The following PLPP4 variants were observed in gnomAD, a reference collection of about 807,000 sequenced individuals.
The protein encoded by PLPP4 is diacylglycerol pyrophosphate like 2.
Under a neutral mutation model 32.2 loss-of-function variants are expected in PLPP4, and 20 were observed. That is an observed-to-expected ratio of 0.62 (90% CI 0.44 to 0.90). The LOEUF is 0.90. PLPP4 is among the 40% of genes least tolerant of loss of function. The pLI is 0.00. For missense variants in PLPP4, 257 were observed against 353.1 expected, an observed-to-expected ratio of 0.73 and a Z score of 2.18; for synonymous variants, 127 against 133.0, an observed-to-expected ratio of 0.95 and a Z score of 0.31.
At chr10:120,589,252 C>T (rs755064004) in intron 6 of PLPP4, 51 bp from the exon 7 acceptor site, 2 of 1,560,664 alleles carry the variant, frequency 1.3e-6, no homozygotes, top group Non-Finnish European at 1.8e-6. Context: ...TAATTGGCCA[C>T]ATTTGAACAA....
chr10:120,494,512 C>A (rs1468952600), intron 1 of PLPP4, among the ~76,000 whole-genome samples: 1 of 152,202 alleles, frequency 6.6e-6, no homozygotes, highest in Non-Finnish European at 1.5e-5. Context: ...CTTGGTTGGG[C>A]ATTTATGCTT....
intron 1 of PLPP4, among the ~76,000 whole-genome samples, chr10:120,491,444 C>G (rs1475561101): frequency 1.3e-5 from 2 of 152,198 alleles, no homozygotes; most frequent in African/African-American, 4.8e-5. Flanking sequence ...GTGACTGACC[C>G]AACCTCTTTC....
intron 1 of PLPP4, among the ~76,000 whole-genome samples, chr10:120,460,221 T>C (rs1279136591): frequency 1.3e-5 from 2 of 152,216 alleles, no homozygotes; most frequent in Non-Finnish European, 1.5e-5. Context: ...CTGTGTTTAG[T>C]ACCATGAAGT....
In PLPP4 at chr10:120,496,912, AGTGT is replaced by A. The variant is rs3066553; in HGVS notation, c.57-6883_57-6880del. 3.4e-3 allele frequency among the ~76,000 whole-genome samples: 509 copies of A among 149,498 alleles called. 3 individuals carry two copies. Among genetic ancestry groups the A allele is most frequent in the Middle Eastern group, 0.024 (7 of 288 alleles). On this transcript the variant is annotated intron_variant, in intron 1 of 6. Transcript: ENST00000398250. ...GGGAGAGAGAGAGAGAGAATGTGTG[AGTGT>A]GTGTGTGTGTGTGTGTGTGTGTATG...
intron 5 of PLPP4, among the ~76,000 whole-genome samples, chr10:120,539,170 T>C (rs1847219362): frequency 6.6e-6 from 1 of 152,164 alleles, no homozygotes. Flanking sequence ...TTCTGCTGGC[T>C]GCCAGAACCC....
At chr10:120,581,823 A>G (rs1286813568) in intron 6 of PLPP4, among the ~76,000 whole-genome samples, 1 of 152,036 alleles carries the variant, frequency 6.6e-6, no homozygotes, top group Non-Finnish European at 1.5e-5. Context: ...CCCCTTGCGC[A>G]TTTACCACCT....
intron 1 of PLPP4, among the ~76,000 whole-genome samples, chr10:120,458,038 G>T (rs979160267): frequency 2.0e-5 from 3 of 152,214 alleles, no homozygotes; most frequent in African/African-American, 7.2e-5. Flanking sequence ...GGCTGGCACT[G>T]AGAACAGCGA....
chr10:120,484,413 A>G (rs1417118192), intron 1 of PLPP4, among the ~76,000 whole-genome samples: 2 of 152,334 alleles, frequency 1.3e-5, no homozygotes, highest in East Asian at 3.9e-4. Context: ...TAGGAAGTCC[A>G]AGATCGAGGT....
At chr10:120,522,738 A>T (rs951187806) in intron 5 of PLPP4, among the ~76,000 whole-genome samples, 1 of 152,206 alleles carries the variant, frequency 6.6e-6, no homozygotes, top group African/African-American at 2.4e-5. Context: ...CGTAGACTAG[A>T]AATTTGCTAA....
chr10:120,486,615 A>G (rs1004205058), intron 1 of PLPP4, among the ~76,000 whole-genome samples: 1 of 152,232 alleles, frequency 6.6e-6, no homozygotes, highest in Non-Finnish European at 1.5e-5. Flanking sequence ...GTTTTAAATT[A>G]CTACTGATAT....
chr10:120,534,669 G>A (rs533700018), intron 5 of PLPP4, among the ~76,000 whole-genome samples: 1 of 151,888 alleles, frequency 6.6e-6, no homozygotes, highest in Non-Finnish European at 1.5e-5. Context: ...TTGGAAAATC[G>A]CTATCGGACT....
chr10:120,461,394 G>A (rs1298667148), intron 1 of PLPP4, among the ~76,000 whole-genome samples: 1 of 152,182 alleles, frequency 6.6e-6, no homozygotes, highest in Admixed American at 6.5e-5. Context: ...GTGCTGGACG[G>A]GGGGAAAGAT....
chr10:120,542,324 T>C (rs1342980303), intron 5 of PLPP4, among the ~76,000 whole-genome samples: 1 of 152,248 alleles, frequency 6.6e-6, no homozygotes, highest in Admixed American at 6.5e-5. Flanking sequence ...AGAAGGTCAT[T>C]ACCTGCTGTT....
At chr10:120,513,496 AATTG>A (rs1238693265) in intron 2 of PLPP4, among the ~76,000 whole-genome samples, 1 of 152,192 alleles carries the variant, frequency 6.6e-6, no homozygotes, top group Non-Finnish European at 1.5e-5. Context: ...AAAGAAAATG[AATTG>A]ATTGACTCTA....
intron 1 of PLPP4, among the ~76,000 whole-genome samples, chr10:120,464,014 A>G (rs903579933): frequency 1.3e-5 from 2 of 152,094 alleles, no homozygotes. Context: ...TACATTGCCT[A>G]TGCTGGTCTT....
chr10:120,577,007 A>G (rs1278041975), intron 6 of PLPP4, among the ~76,000 whole-genome samples: 5 of 152,250 alleles, frequency 3.3e-5, no homozygotes, highest in Non-Finnish European at 7.3e-5. Flanking sequence ...CTTTGAGCAC[A>G]GGAACTATCC....
At chr10:120,574,166 ACACTCTCTCT>A (rs1564850201) in intron 5 of PLPP4, among the ~76,000 whole-genome samples, 124 of 47,964 alleles carry the variant, frequency 2.6e-3, no homozygotes, top group East Asian at 4.9e-3. Context: ...ACACACACAC[ACACTCTCTCT>A]CTCTCTCTCT....
Position 120,574,162 on chromosome 10 carries a change from ACACACACTCTCTCTCTCTCTCT to A in PLPP4, c.446-967_446-946del, listed in dbSNP as rs1175498772. Among the ~76,000 whole-genome samples the A allele has an allele frequency of 3.7e-3, 384 of 104,032 alleles. 3 individuals are homozygous for A. Among genetic ancestry groups the A allele is most frequent in the Admixed American group, 0.027 (247 of 9,180 alleles). 68.2% of individuals were successfully genotyped at this position (104,032 alleles called of 152,430 possible). A position where few individuals can be genotyped will look rare whatever the true frequency, so the allele number is the denominator to read the frequency against. On this transcript the variant is annotated intron_variant, in intron 5 of 6. Coordinates refer to ENST00000398250, the MANE Select transcript of PLPP4 (RefSeq NM_001030059.3). ...CACACACACACACACACACACACAC[ACACACACTCTCTCTCTCTCTCT>A]CTCTCTCTCTCTCTCTCTCTCTCTC...
intron 6 of PLPP4, among the ~76,000 whole-genome samples, chr10:120,589,029 G>A (rs568267422): frequency 6.6e-6 from 1 of 152,150 alleles, no homozygotes; most frequent in Non-Finnish European, 1.5e-5. Flanking sequence ...CTGGGCAACA[G>A]AGCAAGATTC....
Sources: allele counts gnomAD v4.1 joint callset (sites outside exome capture counted in the v4.1 genomes callset), GRCh38; gene constraint gnomAD v4.1.1; transcripts MANE v1.5; gene names NCBI Gene and HGNC (gene_info 2026-07-23, HGNC 2026-07-21).